Variants in IGFL2 observed in about 807,000 individuals in gnomAD.
IGFL2 encodes IGF like family member 2.
Under a neutral mutation model 13.9 loss-of-function variants are expected in IGFL2, and 7 were observed. The ratio of observed to expected loss-of-function variants is 0.51; its 90% CI spans 0.29 to 0.95. The LOEUF is 0.95. Among genes scored for constraint, IGFL2 ranks in the 40% least tolerant of loss-of-function variants. The pLI is 0.08. For missense variants in IGFL2, 138 were observed against 147.8 expected (o/e 0.93, Z 0.34); for synonymous variants, 55 against 55.8 (o/e 0.99, Z 0.07).
At chr19:46,124,522 G>T in the IGFL2 span, 1 of 1,265,414 alleles carries the variant, frequency 7.9e-7, no homozygotes, top group Non-Finnish European at 1.2e-6. Flanking sequence ...GGGCACAGGA[G>T]GCTGGAATAA....
chr19:46,168,916 A>ATGTGTGTGTGTG, the IGFL2 span, among the ~76,000 whole-genome samples: 71 of 145,612 alleles, frequency 4.9e-4, no homozygotes, highest in Non-Finnish European at 9.8e-4. Flanking sequence ...GTGTGTGTGT[A>ATGTGTGTGTGTG]TGTGTGTGTG....
chr19:46,081,541 A>G, the IGFL2 span, among the ~76,000 whole-genome samples: 20 of 152,002 alleles, frequency 1.3e-4, 1 homozygote, highest in Non-Finnish European at 2.2e-4. Flanking sequence ...ACTCTCCTCT[A>G]TTCTAGGATA....
the IGFL2 span, among the ~76,000 whole-genome samples, chr19:46,185,846 C>T: frequency 1.8e-4 from 27 of 152,314 alleles, no homozygotes; most frequent in African/African-American, 6.3e-4. Context: ...ACACACCTCG[C>T]ACCCCGGCCT....
the IGFL2 span, chr19:46,123,844 C>T: frequency 1.3e-6 from 2 of 1,560,954 alleles, no homozygotes; most frequent in Non-Finnish European, 1.7e-6. Flanking sequence ...TCCCTCATCC[C>T]TCCCTCATTC....
At chr19:46,108,600 A>G in the IGFL2 span, among the ~76,000 whole-genome samples, 5 of 152,006 alleles carry the variant, frequency 3.3e-5, no homozygotes, top group Non-Finnish European at 7.4e-5. Flanking sequence ...GGGTAGAGAC[A>G]TGGAGGAGGA....
downstream of IGFL2, among the ~76,000 whole-genome samples, chr19:46,166,123 T>G (rs1271144589): frequency 6.6e-6 from 1 of 152,222 alleles, no homozygotes; most frequent in Non-Finnish European, 1.5e-5. Context: ...ACAGAAGATG[T>G]GGCCCACTGG....
chr19:46,148,905 C>T (rs1973287840), intron 1 of IGFL2: 3 of 1,549,272 alleles, frequency 1.9e-6, no homozygotes, highest in Non-Finnish European at 2.6e-6. Context: ...ATGAGGGGAT[C>T]ATCCTGCCCT....
chr19:46,089,406 CACT>C, the IGFL2 span, among the ~76,000 whole-genome samples: 1 of 151,956 alleles, frequency 6.6e-6, no homozygotes, highest in Non-Finnish European at 1.5e-5. Flanking sequence ...ATTTATACAC[CACT>C]GTTACAGTAT....
the IGFL2 span, among the ~76,000 whole-genome samples, chr19:46,127,289 C>T: frequency 6.6e-6 from 1 of 152,086 alleles, no homozygotes; most frequent in African/African-American, 2.4e-5. Context: ...ACTCGGAAGG[C>T]TGTGGTGAGC....
the IGFL2 span, among the ~76,000 whole-genome samples, chr19:46,097,169 A>G: frequency 2.6e-5 from 4 of 152,178 alleles, no homozygotes; most frequent in African/African-American, 9.7e-5. Context: ...TTGGTAGACT[A>G]TTTATTACTG....
chr19:46,143,385 TTTG>T (rs1972946495), upstream of IGFL2, among the ~76,000 whole-genome samples: 1 of 151,972 alleles, frequency 6.6e-6, no homozygotes, highest in Admixed American at 6.6e-5. Context: ...AGTTACGTTT[TTTG>T]TTTTCTTCTT....
At chr19:46,159,613 A>G (rs996174327) in intron 1 of IGFL2, 1 of 152,200 alleles carries the variant, frequency 6.6e-6, no homozygotes, top group Admixed American at 6.5e-5. Flanking sequence ...CTGCCTGTAC[A>G]TGCTTTCAAC....
At chr19:46,079,294 C>G in the IGFL2 span, among the ~76,000 whole-genome samples, 1 of 152,238 alleles carries the variant, frequency 6.6e-6, no homozygotes, top group Non-Finnish European at 1.5e-5. Flanking sequence ...GACAAGAATC[C>G]TCTGCAATGG....
the IGFL2 span, among the ~76,000 whole-genome samples, chr19:46,105,523 G>C: frequency 3.3e-5 from 5 of 152,300 alleles, no homozygotes; most frequent in East Asian, 9.6e-4. Flanking sequence ...GAGAGATACA[G>C]TTATGGGGGT....
At chr19:46,124,485 C>T in the IGFL2 span, 1 of 1,130,650 alleles carries the variant, frequency 8.8e-7, no homozygotes, top group South Asian at 1.3e-5. Flanking sequence ...GAGCAGCACG[C>T]TCAGTCACCC....
the IGFL2 span, chr19:46,179,588 T>C: frequency 1.3e-5 from 2 of 152,394 alleles, no homozygotes; most frequent in Non-Finnish European, 2.9e-5. Context: ...AGAGCATTTA[T>C]GAGGATGGGT....
At chr19:46,146,740 G>C (rs1000606980), upstream of IGFL2, among the ~76,000 whole-genome samples, 1 of 152,026 alleles carries the variant, frequency 6.6e-6, no homozygotes, top group Non-Finnish European at 1.5e-5. Context: ...GTATCCACTA[G>C]TTCTTGCCAG....
upstream of IGFL2, among the ~76,000 whole-genome samples, chr19:46,146,882 CA>C: frequency 6.6e-6 from 1 of 152,292 alleles, no homozygotes; most frequent in Non-Finnish European, 1.5e-5. Context: ...ATCTCTGTCT[CA>C]CCCTCCCACC....
chr19:46,094,034 ATTTTTT>A, the IGFL2 span, among the ~76,000 whole-genome samples: 7 of 114,228 alleles, frequency 6.1e-5, no homozygotes, highest in Non-Finnish European at 7.0e-5. Context: ...GCCTTGGAGG[ATTTTTT>A]TTTTTTTTTT....
Sources: gnomAD v4.1 joint callset for allele counts (sites outside exome capture counted in the v4.1 genomes callset) on GRCh38, gnomAD v4.1.1 for gene constraint, MANE v1.5 for transcripts, NCBI Gene and HGNC (gene_info 2026-07-23, HGNC 2026-07-21) for gene names.